FAM20A: variants seen among roughly 807,000 people sequenced by gnomAD.
The protein encoded by FAM20A is FAM20A golgi associated secretory pathway pseudokinase, also known as pseudokinase FAM20A.
FAM20A carries 42 observed loss-of-function variants against 52.0 expected under a neutral mutation model. That is an observed-to-expected ratio of 0.81 (90% CI 0.63 to 1.04). The LOEUF (loss-of-function observed/expected upper bound fraction) is 1.04. Ranked by LOEUF, FAM20A falls within the 50% of genes least tolerant of loss-of-function variation. FAM20A has a pLI of 0.00. For synonymous variants in FAM20A, 304 were observed against 298.9 expected (o/e 1.02, Z -0.18); for missense variants, 742 against 712.7 (o/e 1.04, Z -0.47).
In FAM20A at chr17:68,600,158, A is replaced by G. The variant is rs960426503; in HGVS notation, c.404+105T>C. On this transcript the variant is annotated intron_variant, in intron 1 of 10. Coordinates refer to ENST00000592554, the MANE Select transcript of FAM20A (RefSeq NM_017565.4). The surrounding 1 kb of genome is among the most constrained non-coding windows in gnomAD (Gnocchi z 6.2). Reference sequence around the variant, plus strand: ...GCGCCAGGGCTGGAGCCGTGGGTGGAGCCGCTGCAGCCCTGGGCCGGGGGC... The same window carrying G: ...GCGCCAGGGCTGGAGCCGTGGGTGGGGCCGCTGCAGCCCTGGGCCGGGGGC... 25 of 1,333,876 alleles carry G rather than the reference A, an allele frequency of 1.9e-5. No homozygotes were observed. Among genetic ancestry groups the G allele is most frequent in the Non-Finnish European group, 2.4e-5 (24 of 992,218 alleles). 82.6% of individuals were successfully genotyped at this position (1,333,876 alleles called of 1,614,324 possible).
At chr17:68,541,729 GGA>G in intron 7 of FAM20A, 1 of 419,406 alleles carries the variant, frequency 2.4e-6, no homozygotes, top group South Asian at 4.1e-5. Flanking sequence ...AGCTTCTCAA[GGA>G]GAGAGTCTGA....
At chr17:68,553,828 A>G (rs1388545714) in intron 3 of FAM20A, among the ~76,000 whole-genome samples, 2 of 149,814 alleles carry the variant, frequency 1.3e-5, no homozygotes, top group East Asian at 3.9e-4. Context: ...ATTTATGCAT[A>G]TATACATAGA....
At chr17:68,539,553 A>T (rs1488661311) in intron 9 of FAM20A, among the ~76,000 whole-genome samples, 157 bp from the exon 10 acceptor site, 1 of 152,238 alleles carries the variant, frequency 6.6e-6, no homozygotes, top group Non-Finnish European at 1.5e-5. Flanking sequence ...CAGTCAGATC[A>T]CAAAAGCATC....
chr17:68,574,302 C>T (rs1013068606), intron 1 of FAM20A, among the ~76,000 whole-genome samples: 2 of 152,110 alleles, frequency 1.3e-5, no homozygotes, highest in Non-Finnish European at 2.9e-5. Context: ...TAGGCCTAAG[C>T]GATCCTCTGC....
chr17:68,546,702 C>T (rs1217279270), intron 4 of FAM20A, among the ~76,000 whole-genome samples: 1 of 151,714 alleles, frequency 6.6e-6, no homozygotes, highest in African/African-American at 2.4e-5. Flanking sequence ...TGGTGGCCGG[C>T]GCCTGTAGTC....
At chr17:68,541,080 A>G in intron 7 of FAM20A, 122 bp from the exon 8 acceptor site, 1 of 1,464,564 alleles carries the variant, frequency 6.8e-7, no homozygotes, top group East Asian at 2.5e-5. Context: ...GGCTGGTGGC[A>G]GCTTCTAAAA....
intron 1 of FAM20A, among the ~76,000 whole-genome samples, chr17:68,595,301 G>C (rs560049678): frequency 2.6e-5 from 4 of 152,338 alleles, no homozygotes; most frequent in African/African-American, 9.6e-5. Context: ...GAATGACACT[G>C]ATGCTCTCCC....
At chr17:68,554,635 G>A in intron 3 of FAM20A, 142 bp downstream of exon 3, 3 of 805,172 alleles carry the variant, frequency 3.7e-6, no homozygotes, top group Non-Finnish European at 6.3e-6. Context: ...GGGTGGATGG[G>A]GAGAAACGTT....
At position 68,555,735 on chromosome 17, in the gene FAM20A, T is replaced by C; in HGVS notation, c.413A>G (p.Lys138Arg). 6.2e-7 allele frequency: 1 copy of C among 1,614,050 alleles called. No individual in the cohort carries two copies. Among genetic ancestry groups the C allele is most frequent in the South Asian group, 1.1e-5 (1 of 91,074 alleles). Reference sequence around the variant, plus strand: ...AAGGTTCATCTGCTCTCTGTACATCTTGTGTCGCCTGAAAGAGCCAGATAG... The same window carrying C: ...AAGGTTCATCTGCTCTCTGTACATCCTGTGTCGCCTGAAAGAGCCAGATAG... ...RKVARWNRRH[K>R]MYREQMNLTS... is the part of the protein sequence containing the mutation. The change falls in exon 2 of 11, where the codon AAG becomes AGG. Residue 138 changes from lysine to arginine, a missense_variant. Lys to Arg is a conservative substitution (Grantham distance 26, BLOSUM62 2). Coordinates refer to ENST00000592554, the MANE Select transcript of FAM20A (RefSeq NM_017565.4).
intron 1 of FAM20A, among the ~76,000 whole-genome samples, chr17:68,568,757 T>C (rs920833502): frequency 6.6e-6 from 1 of 151,764 alleles, no homozygotes; most frequent in African/African-American, 2.4e-5. Flanking sequence ...CCTATAAGGA[T>C]TCTTGTGCAA....
At chr17:68,539,669 A>G (rs1379622821) in intron 9 of FAM20A, among the ~76,000 whole-genome samples, 1 of 152,248 alleles carries the variant, frequency 6.6e-6, no homozygotes, top group African/African-American at 2.4e-5. Context: ...CTATTTCACT[A>G]GAGGGCACAC....
At chr17:68,565,824 ATCACTGCCAAAT>A (rs1298768852) in intron 1 of FAM20A, among the ~76,000 whole-genome samples, 2 of 152,118 alleles carry the variant, frequency 1.3e-5, no homozygotes, top group Non-Finnish European at 2.9e-5. Context: ...CCAGGCCTCC[ATCACTGCCAAAT>A]TCACTGTCCA....
intron 1 of FAM20A, among the ~76,000 whole-genome samples, chr17:68,594,740 T>G (rs1445060502): frequency 6.6e-6 from 1 of 152,262 alleles, no homozygotes; most frequent in Non-Finnish European, 1.5e-5. Context: ...CTCCTATCCC[T>G]TGCCACATGG....
intron 7 of FAM20A, chr17:68,541,744 C>T: frequency 2.2e-6 from 1 of 459,006 alleles, no homozygotes; most frequent in South Asian, 3.7e-5. Context: ...GAGTCTGAGT[C>T]TTCCATTTCT....
chr17:68,549,363 A>G (rs2143625767), intron 4 of FAM20A, among the ~76,000 whole-genome samples: 1 of 152,164 alleles, frequency 6.6e-6, no homozygotes, highest in South Asian at 2.1e-4. Context: ...GTGTGGTGGT[A>G]CACATCTATA....
intron 1 of FAM20A, among the ~76,000 whole-genome samples, chr17:68,574,362 C>T (rs1241837899): frequency 1.3e-5 from 2 of 152,190 alleles, no homozygotes. Context: ...GCTGAGTGTG[C>T]TAGCTCCGGT....
In FAM20A at chr17:68,545,689, G is replaced by A. The variant is rs2086522711; in HGVS notation, c.720-1968C>T. ...CTGTAGCACGCAATGCTGTTTGATAGCATTTTACCCAAAGTAGAACTTCTG... is the reference window on the plus strand; with the variant it reads ...CTGTAGCACGCAATGCTGTTTGATAACATTTTACCCAAAGTAGAACTTCTG... On this transcript the variant is annotated intron_variant, in intron 4 of 10. Coordinates refer to ENST00000592554, the MANE Select transcript of FAM20A (RefSeq NM_017565.4). 2.0e-5 allele frequency among the ~76,000 whole-genome samples: 3 copies of A among 152,190 alleles called. No homozygotes were observed. The South Asian group carries it at 6.2e-4, about 32-fold the overall frequency.
chr17:68,548,524 T>C (rs928579849), intron 4 of FAM20A, among the ~76,000 whole-genome samples: 15 of 151,204 alleles, frequency 9.9e-5, no homozygotes, highest in Non-Finnish European at 1.3e-4. Context: ...AGTGAGACTC[T>C]GTCTCAAAAA....
intron 1 of FAM20A, chr17:68,558,350 T>A: frequency 2.2e-6 from 1 of 444,970 alleles, no homozygotes; most frequent in Non-Finnish European, 4.5e-6. Flanking sequence ...GGTTTGGATG[T>A]TTGTCCCCTC....
Sources: gnomAD v4.1 joint callset for allele counts (sites outside exome capture counted in the v4.1 genomes callset) on GRCh38, gnomAD v4.1.1 for gene constraint, Gnocchi (gnomAD v3.1) non-coding constraint, MANE v1.5 for transcripts, NCBI Gene and HGNC (gene_info 2026-07-23, HGNC 2026-07-21) for gene names.